The following ZNF385B variants were observed in gnomAD, a reference collection of about 807,000 sequenced individuals.
The protein encoded by ZNF385B is zinc finger protein 533.
ZNF385B carries 23 observed loss-of-function variants against 39.2 expected under a neutral mutation model. The observed-to-expected ratio is 0.59, with a 90% CI of 0.42 to 0.83. The LOEUF is 0.83. Ranked by LOEUF, ZNF385B falls within the 40% of genes least tolerant of loss-of-function variation. The pLI is 0.00. For missense variants in ZNF385B, 552 were observed against 598.9 expected, an observed-to-expected ratio of 0.92 and a Z score of 0.82; for synonymous variants, 205 against 222.6, an observed-to-expected ratio of 0.92 and a Z score of 0.70.
intron 1 of ZNF385B, among the ~76,000 whole-genome samples, chr2:179,859,758 C>A (rs754795682): frequency 1.3e-5 from 2 of 152,130 alleles, no homozygotes; most frequent in Non-Finnish European, 2.9e-5. Flanking sequence ...ATCTTAAAAA[C>A]CTCAAGTAAC....
At chr2:179,455,719 C>A (rs10193752) in intron 6 of ZNF385B, among the ~76,000 whole-genome samples, 22,906 of 149,498 alleles carry the variant, frequency 0.15, 1,857 homozygotes, top group African/African-American at 0.19. Context: ...GAAATCCCGT[C>A]TCTACCAAAA....
At chr2:179,483,513 C>T in intron 5 of ZNF385B, 79 bp from the exon 6 acceptor site, 1 of 1,575,306 alleles carries the variant, frequency 6.3e-7, no homozygotes, top group East Asian at 2.2e-5. Context: ...GAGAAAAATA[C>T]ATTCTATCAT....
chr2:179,530,900 G>A lies in ZNF385B; in HGVS notation c.442-12262C>T, dbSNP rs367933372. Among the ~76,000 whole-genome samples, 362 of 152,026 alleles carry A rather than the reference G, an allele frequency of 2.4e-3. 2 individuals are homozygous for A. Among genetic ancestry groups the A allele is most frequent in the African/African-American group, 8.2e-3 (338 of 41,460 alleles). On this transcript the variant is annotated intron_variant, in intron 4 of 9. Coordinates refer to ENST00000410066, the MANE Select transcript of ZNF385B (RefSeq NM_152520.6). ...CCTTAATTCCACATGCCACATAACC[G>A]TTACACAGTGGTAAAATGTCAGGGA...
intron 3 of ZNF385B, among the ~76,000 whole-genome samples, chr2:179,705,242 A>G (rs1229024819): frequency 6.6e-6 from 1 of 152,038 alleles, no homozygotes; most frequent in African/African-American, 2.4e-5. Context: ...CTGGGCTAGG[A>G]GTGGGTTCCT....
chr2:179,794,750 T>A (rs7567408), intron 1 of ZNF385B, among the ~76,000 whole-genome samples: 8,727 of 152,074 alleles, frequency 0.057, 523 homozygotes, highest in Admixed American at 0.18. Context: ...TCTGCAATCA[T>A]AATAGAGGAA....
chr2:179,565,925 A>C (rs10169569), intron 3 of ZNF385B, among the ~76,000 whole-genome samples: 59,260 of 152,048 alleles, frequency 0.39, 12,165 homozygotes, highest in African/African-American at 0.44. Context: ...ACACTTAAGA[A>C]TGTTGATTGT....
Position 179,442,472 on chromosome 2 carries a change from A to C in ZNF385B, c.*778T>G, listed in dbSNP as rs1387565997. The stretch of plus-strand genomic sequence containing the variant: ...AATAAGTTAAACAAAAATAGCAAAC[A>C]GGTAGTAATTATAGCTATGTTATAT... On this transcript the variant is annotated 3_prime_UTR_variant, in exon 10 of 10. Transcript: ENST00000410066. 1.3e-5 allele frequency: 2 copies of C among 152,686 alleles called. No individual in the cohort carries two copies. Among genetic ancestry groups the C allele is most frequent in the African/African-American group, 4.8e-5 (2 of 41,466 alleles). 9.5% of individuals were successfully genotyped at this position (152,686 alleles called of 1,614,324 possible). A position where few individuals can be genotyped will look rare whatever the true frequency, so the allele number is the denominator to read the frequency against.
intron 1 of ZNF385B, among the ~76,000 whole-genome samples, chr2:179,819,825 C>T (rs1707295270): frequency 6.6e-6 from 1 of 152,098 alleles, no homozygotes; most frequent in African/African-American, 2.4e-5. Context: ...ACTATTTTTG[C>T]CTTGGTTTAC....
At chr2:179,558,968 T>C (rs1202394392) in intron 3 of ZNF385B, among the ~76,000 whole-genome samples, 2 of 151,938 alleles carry the variant, frequency 1.3e-5, no homozygotes, top group East Asian at 1.9e-4. Flanking sequence ...TGGGGTAAAA[T>C]TGGAGCTACA....
intron 3 of ZNF385B, among the ~76,000 whole-genome samples, chr2:179,621,270 C>T (rs1440283566): frequency 6.6e-6 from 1 of 151,964 alleles, no homozygotes; most frequent in Non-Finnish European, 1.5e-5. Context: ...TTCTTCCAAC[C>T]TGGAATATCT....
At chr2:179,786,698 CTT>C (rs201773197) in intron 1 of ZNF385B, among the ~76,000 whole-genome samples, 1 of 140,252 alleles carries the variant, frequency 7.1e-6, no homozygotes. Flanking sequence ...CTTTCTTTTT[CTT>C]TTTTTTTTTT....
intron 3 of ZNF385B, among the ~76,000 whole-genome samples, chr2:179,566,546 T>C (rs1034780547): frequency 6.6e-5 from 10 of 152,250 alleles, no homozygotes; most frequent in African/African-American, 2.4e-4. Flanking sequence ...AGTTGTGTAT[T>C]CGAATGGTTA....
At chr2:179,640,206 A>T (rs1455071802) in intron 3 of ZNF385B, among the ~76,000 whole-genome samples, 1 of 152,186 alleles carries the variant, frequency 6.6e-6, no homozygotes, top group Admixed American at 6.6e-5. Flanking sequence ...GAAAACAATT[A>T]CTTAAATGAT....
intron 6 of ZNF385B, among the ~76,000 whole-genome samples, chr2:179,465,536 G>T (rs1033369807): frequency 6.6e-6 from 1 of 152,126 alleles, no homozygotes; most frequent in African/African-American, 2.4e-5. Context: ...TGATGGTATT[G>T]CCAGTTATAT....
Position 179,444,992 on chromosome 2 carries a change from T to C in ZNF385B, c.1141-15A>G. On this transcript the variant is annotated splice_polypyrimidine_tract_variant and intron_variant, in intron 8 of 9. Coordinates refer to ENST00000410066, the MANE Select transcript of ZNF385B (RefSeq NM_152520.6). ...CTAGAAATGTGCTGAAAAAGTTTGA[T>C]GCATTAGCTGGACTGAAATGTGAGT... 1 of 1,606,116 alleles carries C rather than the reference T, an allele frequency of 6.2e-7. No individual in the cohort carries two copies. Among genetic ancestry groups the C allele is most frequent in the Non-Finnish European group, 8.5e-7 (1 of 1,172,724 alleles).
At chr2:179,654,199 T>G (rs6718207) in intron 3 of ZNF385B, among the ~76,000 whole-genome samples, 54,818 of 152,036 alleles carry the variant, frequency 0.36, 10,386 homozygotes, top group East Asian at 0.58. Context: ...GTTTAAAATA[T>G]CCTGTGTATT....
chr2:179,454,508 A>AT lies in ZNF385B; in HGVS notation c.716-7739dup, dbSNP rs890202832. Among the ~76,000 whole-genome samples the AT allele has an allele frequency of 8.7e-5, 10 of 115,600 alleles. No homozygotes were observed. The South Asian group carries it at 1.4e-3, about 17-fold the overall frequency. 75.8% of individuals were successfully genotyped at this position (115,600 alleles called of 152,430 possible). A position where few individuals can be genotyped will look rare whatever the true frequency, so the allele number is the denominator to read the frequency against. ...ATTTTAGAGTGTACTCCTTCCATTTATAAAAAAATTAAAGTTATCTGTAAA... is the reference window on the plus strand; with the variant it reads ...ATTTTAGAGTGTACTCCTTCCATTTATTAAAAAAATTAAAGTTATCTGTAAA... On this transcript the variant is annotated intron_variant, in intron 6 of 9. Coordinates refer to ENST00000410066, the MANE Select transcript of ZNF385B (RefSeq NM_152520.6).
At chr2:179,452,261 T>A (rs1316283188) in intron 6 of ZNF385B, among the ~76,000 whole-genome samples, 1 of 152,154 alleles carries the variant, frequency 6.6e-6, no homozygotes, top group Non-Finnish European at 1.5e-5. Flanking sequence ...TCCTTTTATG[T>A]CCACTTCATA....
At chr2:179,489,545 T>C (rs1312480084) in intron 5 of ZNF385B, among the ~76,000 whole-genome samples, 1 of 152,222 alleles carries the variant, frequency 6.6e-6, no homozygotes, top group Non-Finnish European at 1.5e-5. Context: ...TAAAATGCTA[T>C]AGTTAAACAT....
Sources: allele counts gnomAD v4.1 joint callset (sites outside exome capture counted in the v4.1 genomes callset), GRCh38; gene constraint gnomAD v4.1.1; transcripts MANE v1.5; gene names NCBI Gene and HGNC (gene_info 2026-07-23, HGNC 2026-07-21).